The following NRXN3 variants were observed in gnomAD, a reference collection of about 807,000 sequenced individuals.
NRXN3 encodes the protein neurexin III.
Under a neutral mutation model 137.6 loss-of-function variants are expected in NRXN3, and 32 were observed. The ratio of observed to expected loss-of-function variants is 0.23; its 90% CI spans 0.18 to 0.31. The LOEUF (loss-of-function observed/expected upper bound fraction) is 0.31. Ranked by LOEUF, NRXN3 falls within the 10% of genes least tolerant of loss-of-function variation. The pLI, the probability that NRXN3 is intolerant of heterozygous loss-of-function variation, is 1.00. For missense variants in NRXN3, 1,574 were observed against 2,062.5 expected (o/e 0.76, Z 4.59); for synonymous variants, 798 against 784.5 (o/e 1.02, Z -0.29).
At chr14:79,801,181 G>A (rs1445509064) in intron 19 of NRXN3, among the ~76,000 whole-genome samples, 4 of 152,202 alleles carry the variant, frequency 2.6e-5, no homozygotes, top group Non-Finnish European at 4.4e-5. Flanking sequence ...AAGACACAAA[G>A]GAAGGAACTG....
At chr14:78,722,154 G>C (rs2098463176) in intron 8 of NRXN3, among the ~76,000 whole-genome samples, 1 of 152,084 alleles carries the variant, frequency 6.6e-6, no homozygotes, top group African/African-American at 2.4e-5. Context: ...AAGGTTTCGA[G>C]GTCTAAGAAG....
intron 15 of NRXN3, among the ~76,000 whole-genome samples, chr14:79,172,585 T>A (rs1335528481): frequency 6.6e-6 from 1 of 152,178 alleles, no homozygotes; most frequent in African/African-American, 2.4e-5. Flanking sequence ...AGAATTTATA[T>A]TTTTAAACTA....
intron 19 of NRXN3, among the ~76,000 whole-genome samples, chr14:79,714,330 T>C (rs566986059): frequency 2.0e-5 from 3 of 152,298 alleles, no homozygotes; most frequent in East Asian, 3.9e-4. Flanking sequence ...TGGAAACTAG[T>C]GTGAGACAAT....
At chr14:79,748,098 T>C (rs571202316) in intron 19 of NRXN3, among the ~76,000 whole-genome samples, 4 of 152,148 alleles carry the variant, frequency 2.6e-5, no homozygotes, top group South Asian at 2.1e-4. Flanking sequence ...TGGGGCTTAA[T>C]ACCTAGGTGA....
chr14:79,792,437 T>C (rs900920410), intron 19 of NRXN3, among the ~76,000 whole-genome samples: 1 of 152,226 alleles, frequency 6.6e-6, no homozygotes, highest in Non-Finnish European at 1.5e-5. Flanking sequence ...TTAAAGCTAC[T>C]CTGCTGTATT....
At chr14:79,347,365 C>T (rs1411959384) in intron 15 of NRXN3, among the ~76,000 whole-genome samples, 1 of 151,818 alleles carries the variant, frequency 6.6e-6, no homozygotes, top group Non-Finnish European at 1.5e-5. Context: ...TTATTCAGTG[C>T]CACTTTCATA....
chr14:78,810,708 T>G (rs755573136), intron 10 of NRXN3, among the ~76,000 whole-genome samples: 3 of 152,224 alleles, frequency 2.0e-5, no homozygotes, highest in Non-Finnish European at 4.4e-5. Flanking sequence ...GCAACCAGCA[T>G]GCACTTCTCC....
intron 11 of NRXN3, among the ~76,000 whole-genome samples, chr14:78,965,436 C>G (rs1345862603): frequency 6.6e-6 from 1 of 152,004 alleles, no homozygotes; most frequent in African/African-American, 2.4e-5. Flanking sequence ...GTGGTCTAGG[C>G]TGAGTAGCTT....
chr14:78,968,126 A>G, intron 13 of NRXN3, 47 bp from the exon 14 acceptor site: 1 of 1,232,646 alleles, frequency 8.1e-7, no homozygotes, highest in African/African-American at 1.7e-5. Context: ...TGACATGGTC[A>G]CCACATCCTT....
intron 4 of NRXN3, among the ~76,000 whole-genome samples, chr14:78,538,237 A>C (rs1198565809): frequency 6.6e-6 from 1 of 152,192 alleles, no homozygotes; most frequent in African/African-American, 2.4e-5. Flanking sequence ...GATTCTTCCT[A>C]TCCATGAGCA....
intron 20 of NRXN3, chr14:79,854,079 T>G (rs2099397389): frequency 1.0e-5 from 10 of 984,258 alleles, no homozygotes; most frequent in South Asian, 9.4e-5. Context: ...GACATTTTGC[T>G]CAAAAGTTTT....
At chr14:79,389,692 A>C (rs2094773759) in intron 15 of NRXN3, among the ~76,000 whole-genome samples, 1 of 152,166 alleles carries the variant, frequency 6.6e-6, no homozygotes, top group Non-Finnish European at 1.5e-5. Context: ...AGTTATGAAA[A>C]CCTGTGGCTT....
intron 15 of NRXN3, among the ~76,000 whole-genome samples, chr14:79,300,488 G>A (rs1370839967): frequency 2.0e-5 from 3 of 151,970 alleles, no homozygotes; most frequent in Admixed American, 6.6e-5. Flanking sequence ...GGATGATGAT[G>A]GTCTAATATG....
intron 16 of NRXN3, among the ~76,000 whole-genome samples, chr14:79,505,084 G>A (rs780834281): frequency 6.6e-5 from 10 of 151,976 alleles, no homozygotes; most frequent in Non-Finnish European, 1.2e-4. Flanking sequence ...GTGTGGTGGT[G>A]CATGCCTGTA....
At chr14:79,239,325 G>A (rs1344527251) in intron 15 of NRXN3, among the ~76,000 whole-genome samples, 1 of 152,058 alleles carries the variant, frequency 6.6e-6, no homozygotes, top group African/African-American at 2.4e-5. Flanking sequence ...GGAGAAGGGG[G>A]AACTACTGTA....
chr14:78,856,526 G>C (rs2099057511), intron 10 of NRXN3, among the ~76,000 whole-genome samples: 1 of 152,106 alleles, frequency 6.6e-6, no homozygotes, highest in African/African-American at 2.4e-5. Flanking sequence ...AGCAAAGTAA[G>C]ATCATTGATG....
intron 16 of NRXN3, among the ~76,000 whole-genome samples, chr14:79,588,966 C>T (rs2097782105): frequency 6.6e-6 from 1 of 152,090 alleles, no homozygotes; most frequent in South Asian, 2.1e-4. Flanking sequence ...TTTAAAAATT[C>T]TATTGAGGCT....
chr14:79,065,378 A>T (rs1234849326), intron 15 of NRXN3, among the ~76,000 whole-genome samples: 1 of 152,158 alleles, frequency 6.6e-6, no homozygotes, highest in African/African-American at 2.4e-5. Flanking sequence ...ACTGCGGAAA[A>T]TCAAGGTTGC....
At chr14:79,156,245 C>A (rs2060245009) in intron 15 of NRXN3, among the ~76,000 whole-genome samples, 1 of 151,824 alleles carries the variant, frequency 6.6e-6, no homozygotes, top group African/African-American at 2.4e-5. Flanking sequence ...AGTCTTAGAG[C>A]AATTTCTTAG....
Sources: allele counts gnomAD v4.1 joint callset (sites outside exome capture counted in the v4.1 genomes callset), GRCh38; gene constraint gnomAD v4.1.1; transcripts MANE v1.5; gene names NCBI Gene and HGNC (gene_info 2026-07-23, HGNC 2026-07-21).